Variants in MYO3B observed in about 807,000 individuals in gnomAD.
The protein encoded by MYO3B is myosin IIIB.
MYO3B carries 156 observed loss-of-function variants against 174.6 expected under a neutral mutation model. The observed-to-expected ratio is 0.89, with a 90% confidence interval of 0.78 to 1.02. The LOEUF (loss-of-function observed/expected upper bound fraction) is 1.02. Among genes scored for constraint, MYO3B ranks in the 50% least tolerant of loss-of-function variants. MYO3B has a pLI of 0.00. For missense variants in MYO3B, 1,632 were observed against 1,639.4 expected, an observed-to-expected ratio of 1.00 and a Z score of 0.08; for synonymous variants, 563 against 569.1, an observed-to-expected ratio of 0.99 and a Z score of 0.15.
chr2:170,271,939 TATA>T, intron 7 of MYO3B, among the ~76,000 whole-genome samples: 1 of 152,236 alleles, frequency 6.6e-6, no homozygotes, highest in Middle Eastern at 3.4e-3. Context: ...GGTTTCAGTA[TATA>T]ATAATGTGAA....
intron 32 of MYO3B, among the ~76,000 whole-genome samples, chr2:170,641,665 C>T (rs1697958871): frequency 6.6e-6 from 1 of 152,110 alleles, no homozygotes; most frequent in African/African-American, 2.4e-5. Flanking sequence ...ACAGATATCT[C>T]TGGAAACTTG....
At chr2:170,325,409 T>C (rs2093858715) in intron 7 of MYO3B, among the ~76,000 whole-genome samples, 1 of 152,156 alleles carries the variant, frequency 6.6e-6, no homozygotes, top group Admixed American at 6.5e-5. Context: ...GGTTTCACCA[T>C]GTTGACCAGG....
At chr2:170,442,952 G>A (rs62170680) in intron 22 of MYO3B, among the ~76,000 whole-genome samples, 70 of 152,182 alleles carry the variant, frequency 4.6e-4, no homozygotes, top group Middle Eastern at 3.4e-3. Context: ...GAATAGTGCC[G>A]CAATAAACAT....
chr2:170,454,373 T>C (rs142403848), intron 23 of MYO3B, among the ~76,000 whole-genome samples: 7 of 152,256 alleles, frequency 4.6e-5, no homozygotes, highest in African/African-American at 1.7e-4. Context: ...ACTCCAAGAT[T>C]GGGCTACAGA....
chr2:170,589,825 C>T (rs894268256), intron 32 of MYO3B, among the ~76,000 whole-genome samples: 7 of 152,196 alleles, frequency 4.6e-5, no homozygotes, highest in African/African-American at 1.7e-4. Context: ...ATGTCCTTCG[C>T]ATTCACTCAC....
chr2:170,241,879 T>C lies in MYO3B; in HGVS notation c.749+5743T>C, dbSNP rs149194691. Among the ~76,000 whole-genome samples the C allele has an allele frequency of 2.1e-3, 320 of 152,278 alleles. 2 individuals carry two copies. Among genetic ancestry groups the C allele is most frequent in the Admixed American group, 2.5e-3 (38 of 15,294 alleles). ...GACTTTCCTAATTCACAAACCAAAT[T>C]GTTCCTATATGGGAAGCAGTAGTCT... is the stretch of plus-strand genomic sequence containing the variant. On this transcript the variant is annotated intron_variant, in intron 7 of 34. Transcript: ENST00000408978.
chr2:170,386,407 T>C, intron 13 of MYO3B, 135 bp downstream of exon 13: 1 of 650,708 alleles, frequency 1.5e-6, no homozygotes, highest in Non-Finnish European at 2.6e-6. Context: ...TACGTTTGCC[T>C]CCTGATAGCG....
intron 7 of MYO3B, among the ~76,000 whole-genome samples, chr2:170,291,190 A>G (rs375895551): frequency 2.6e-5 from 4 of 151,960 alleles, no homozygotes; most frequent in African/African-American, 9.7e-5. Context: ...CAGAAGCTGC[A>G]GTGAGCCGAG....
chr2:170,618,484 T>TG (rs1434774159), intron 32 of MYO3B, among the ~76,000 whole-genome samples: 1 of 152,160 alleles, frequency 6.6e-6, no homozygotes, highest in Non-Finnish European at 1.5e-5. Context: ...AGTTGTTTCC[T>TG]GCTGTGGTGC....
At chr2:170,565,231 C>T (rs1231841539) in intron 32 of MYO3B, among the ~76,000 whole-genome samples, 1 of 152,166 alleles carries the variant, frequency 6.6e-6, no homozygotes, top group Non-Finnish European at 1.5e-5. Flanking sequence ...TTGTTTGGGG[C>T]AGGAAACAGC....
At chr2:170,503,057 C>T (rs1035754956) in intron 28 of MYO3B, among the ~76,000 whole-genome samples, 1 of 152,224 alleles carries the variant, frequency 6.6e-6, no homozygotes, top group African/African-American at 2.4e-5. Context: ...CAAAGTGCAT[C>T]ATTTGTTCCC....
Position 170,214,389 on chromosome 2 carries a change from G to C in MYO3B, c.332G>C (p.Gly111Ala). 6.2e-7 allele frequency: 1 copy of C among 1,613,998 alleles called. No individual in the cohort carries two copies. The highest frequency in any genetic ancestry group is 2.2e-5 in the East Asian group (1 of 44,878). Reference sequence around the variant, plus strand: ...CACCTCTTCTTGCAGCTGTGTAATGGGGGCTCAGTCACTGAGCTTGTCAAA... The same window carrying C: ...CACCTCTTCTTGCAGCTGTGTAATGCGGGCTCAGTCACTGAGCTTGTCAAA... Reference protein sequence around the residue: ...QLWLVLELCNGGSVTELVKGL... With the variant: ...QLWLVLELCNAGSVTELVKGL... The change falls in exon 4 of 35, where the codon GGG (glycine) becomes GCG (alanine). Residue 111 changes from glycine to alanine, a missense_variant. By Grantham distance (60) the Gly-to-Ala change is moderately conservative (BLOSUM62 0). Coordinates refer to ENST00000408978, the MANE Select transcript of MYO3B (RefSeq NM_138995.5).
intron 25 of MYO3B, among the ~76,000 whole-genome samples, chr2:170,468,748 C>G (rs1388124372): frequency 6.6e-6 from 1 of 152,190 alleles, no homozygotes; most frequent in Non-Finnish European, 1.5e-5. Context: ...GAAAAGCAAT[C>G]TAAGCATTTA....
chr2:170,530,654 CTTTTAT>C (rs909019198), intron 30 of MYO3B, among the ~76,000 whole-genome samples: 10 of 152,154 alleles, frequency 6.6e-5, no homozygotes, highest in African/African-American at 2.4e-4. Flanking sequence ...ACCTTGTTGA[CTTTTAT>C]TTTTAGTTTG....
At chr2:170,629,527 C>G (rs1193820810) in intron 32 of MYO3B, among the ~76,000 whole-genome samples, 9 of 152,126 alleles carry the variant, frequency 5.9e-5, no homozygotes, top group Admixed American at 5.9e-4. Context: ...TATATCAGAA[C>G]TAAGGGTATA....
chr2:170,583,550 T>C (rs1392647709), intron 32 of MYO3B, among the ~76,000 whole-genome samples: 1 of 152,192 alleles, frequency 6.6e-6, no homozygotes, highest in Non-Finnish European at 1.5e-5. Flanking sequence ...TCTATAATAA[T>C]TGCATTTCTC....
chr2:170,205,719 C>T (rs1243253361), intron 3 of MYO3B, among the ~76,000 whole-genome samples: 4 of 152,028 alleles, frequency 2.6e-5, no homozygotes, highest in Non-Finnish European at 4.4e-5. Context: ...CTCTTGATTA[C>T]GTCAATATCT....
chr2:170,303,085 T>C (rs2093676590), intron 7 of MYO3B, among the ~76,000 whole-genome samples: 1 of 152,336 alleles, frequency 6.6e-6, no homozygotes, highest in Non-Finnish European at 1.5e-5. Flanking sequence ...ATTTTAGAGC[T>C]ACAACAAAAC....
intron 7 of MYO3B, among the ~76,000 whole-genome samples, chr2:170,291,632 T>G (rs1296250617): frequency 1.3e-5 from 2 of 152,198 alleles, no homozygotes; most frequent in African/African-American, 2.4e-5. Flanking sequence ...TTCTCTCAGC[T>G]TTTATTTGCC....
Sources: allele counts gnomAD v4.1 joint callset (sites outside exome capture counted in the v4.1 genomes callset), GRCh38; gene constraint gnomAD v4.1.1; transcripts MANE v1.5; gene names NCBI Gene and HGNC (gene_info 2026-07-23, HGNC 2026-07-21).